Variants in FGGY observed in about 807,000 individuals in gnomAD.
FGGY encodes FGGY carbohydrate kinase domain containing.
A neutral mutation model predicts 71.3 loss-of-function variants in FGGY; 72 were observed. The ratio of observed to expected loss-of-function variants is 1.01; its 90% confidence interval spans 0.84 to 1.23. The LOEUF (loss-of-function observed/expected upper bound fraction) is 1.23. Ranked by LOEUF, FGGY falls within the 50% of genes most tolerant of loss-of-function variation. The pLI is 0.00. For synonymous variants in FGGY, 251 were observed against 250.3 expected, an observed-to-expected ratio of 1.00 and a Z score of -0.02; for missense variants, 668 against 682.3, an observed-to-expected ratio of 0.98 and a Z score of 0.23.
chr1:59,401,671 G>A (rs1207772480), intron 5 of FGGY, among the ~76,000 whole-genome samples: 1 of 152,196 alleles, frequency 6.6e-6, no homozygotes, highest in East Asian at 1.9e-4. Flanking sequence ...CAAAACTCAT[G>A]CTTTTAACTA....
intron 4 of FGGY, among the ~76,000 whole-genome samples, chr1:59,372,084 G>A (rs182977121): frequency 3.4e-4 from 52 of 152,200 alleles, no homozygotes; most frequent in Non-Finnish European, 6.8e-4. Context: ...GCGATAAATC[G>A]AGACACAAAA....
At chr1:59,515,796 G>GT (rs1234182442) in intron 7 of FGGY, among the ~76,000 whole-genome samples, 13 of 152,202 alleles carry the variant, frequency 8.5e-5, no homozygotes, top group African/African-American at 3.1e-4. Flanking sequence ...GTGTGGAACT[G>GT]TAAGTCAAAT....
chr1:59,512,216 G>A, intron 6 of FGGY, 95 bp from the exon 7 acceptor site: 2 of 1,322,944 alleles, frequency 1.5e-6, no homozygotes, highest in African/African-American at 3.0e-5. Context: ...GCAGAGGAGG[G>A]AGGAGAGAGC....
intron 1 of FGGY, among the ~76,000 whole-genome samples, chr1:59,312,759 C>G (rs1196155379): frequency 6.6e-6 from 1 of 152,152 alleles, no homozygotes; most frequent in Non-Finnish European, 1.5e-5. Flanking sequence ...TGGACATTAC[C>G]TGTGTGGCTC....
intron 11 of FGGY, among the ~76,000 whole-genome samples, chr1:59,658,504 C>G (rs1024706045): frequency 1.3e-5 from 2 of 152,140 alleles, no homozygotes; most frequent in African/African-American, 4.8e-5. Context: ...TAGGAATCCC[C>G]GCATCAACAG....
intron 7 of FGGY, among the ~76,000 whole-genome samples, chr1:59,543,984 G>A (rs993414761): frequency 7.9e-5 from 12 of 152,214 alleles, no homozygotes; most frequent in African/African-American, 2.9e-4. Context: ...TATATCCCAA[G>A]TACAAGGCTC....
At chr1:59,656,226 C>T (rs1572742058) in intron 11 of FGGY, among the ~76,000 whole-genome samples, 1 of 152,330 alleles carries the variant, frequency 6.6e-6, no homozygotes. Flanking sequence ...GGCACAGGCA[C>T]ATCAATAAAC....
At chr1:59,609,746 A>G (rs562533443) in intron 9 of FGGY, among the ~76,000 whole-genome samples, 3 of 152,340 alleles carry the variant, frequency 2.0e-5, no homozygotes, top group Admixed American at 2.0e-4. Context: ...GTATAATCCT[A>G]TTTTATACAT....
intron 14 of FGGY, among the ~76,000 whole-genome samples, chr1:59,749,904 G>C (rs999955290): frequency 6.6e-6 from 1 of 152,172 alleles, no homozygotes; most frequent in Non-Finnish European, 1.5e-5. Context: ...GTCTGTTATA[G>C]TCAGTCTGTA....
chr1:59,628,742 C>A, intron 10 of FGGY, among the ~76,000 whole-genome samples: 1 of 152,018 alleles, frequency 6.6e-6, no homozygotes, highest in Non-Finnish European at 1.5e-5. Context: ...ATCAGAGAAA[C>A]CCATGTAGCT....
At chr1:59,704,585 A>G (rs1398516344) in intron 14 of FGGY, among the ~76,000 whole-genome samples, 1 of 152,150 alleles carries the variant, frequency 6.6e-6, no homozygotes, top group African/African-American at 2.4e-5. Context: ...TATCTACAAG[A>G]TACTTTGGAA....
At position 59,659,964 on chromosome 1, in the gene FGGY, A is replaced by G. The variant is rs530686139; in HGVS notation, c.1222-255A>G. Among the ~76,000 whole-genome samples, 41 of 152,312 alleles carry G rather than the reference A, an allele frequency of 2.7e-4. 1 individual carries two copies. The highest frequency in any genetic ancestry group is 2.2e-3 in the Admixed American group (34 of 15,298). On this transcript the variant is annotated intron_variant, in intron 11 of 15. Coordinates refer to ENST00000303721, the MANE Select transcript of FGGY (RefSeq NM_018291.5). ...AATTATCGTCTAAGAAATATCAAAC[A>G]TAATCTTCCTGTGGTATTTGTTTTG...
Position 59,696,917 on chromosome 1 carries a change from A to G in FGGY, c.1512+22784A>G, listed in dbSNP as rs552582547. ...CCCAGAAACGGGAAGTGCTTTGTGC[A>G]TGGCCAGAGAGCTCGTTGCTGATCA... is the stretch of plus-strand genomic sequence containing the variant. On this transcript the variant is annotated intron_variant, in intron 14 of 15. Transcript: ENST00000303721. Among the ~76,000 whole-genome samples the G allele has an allele frequency of 5.3e-4, 81 of 152,292 alleles. 1 individual carries two copies. Among genetic ancestry groups the G allele is most frequent in the South Asian group, 1.9e-3 (9 of 4,828 alleles).
chr1:59,457,100 A>C, intron 6 of FGGY, 24 bp downstream of exon 6: 2 of 1,515,840 alleles, frequency 1.3e-6, no homozygotes, highest in Non-Finnish European at 1.8e-6. Context: ...ACATCTGTAG[A>C]GTGATTATGT....
chr1:59,300,256 T>C (rs1441839759), intron 1 of FGGY, among the ~76,000 whole-genome samples: 1 of 152,208 alleles, frequency 6.6e-6, no homozygotes, highest in Non-Finnish European at 1.5e-5. Flanking sequence ...CAAAGATTGC[T>C]TGTGCCCTTT....
In FGGY at chr1:59,762,487, T is replaced by G; in HGVS notation, c.1575-16T>G. The G allele has an allele frequency of 6.3e-7, 1 of 1,599,974 alleles. No homozygotes were observed. The highest frequency in any genetic ancestry group is 8.6e-7 in the Non-Finnish European group (1 of 1,168,422). ...TTGTCTTGAGATCATTCAACATATT[T>G]ATATTTCTCCCACAGATACTATGAT... On this transcript the variant is annotated splice_polypyrimidine_tract_variant and intron_variant, in intron 15 of 15. Coordinates refer to ENST00000303721, the MANE Select transcript of FGGY (RefSeq NM_018291.5).
chr1:59,394,595 T>C (rs962282806), intron 5 of FGGY, among the ~76,000 whole-genome samples: 2 of 152,212 alleles, frequency 1.3e-5, no homozygotes, highest in Non-Finnish European at 2.9e-5. Context: ...CTATTCCTGC[T>C]GCTGTTTTTA....
chr1:59,645,179 G>A (rs532001993), intron 11 of FGGY, among the ~76,000 whole-genome samples: 154 of 152,284 alleles, frequency 1.0e-3, no homozygotes, highest in African/African-American at 3.6e-3. Flanking sequence ...GACCTTTGGC[G>A]GGTTAACTCT....
At chr1:59,346,692 A>G (rs2052001235) in intron 4 of FGGY, among the ~76,000 whole-genome samples, 1 of 152,194 alleles carries the variant, frequency 6.6e-6, no homozygotes, top group South Asian at 2.1e-4. Flanking sequence ...TGTTTTGTAG[A>G]CAAGAAAACG....
Sources: allele counts gnomAD v4.1 joint callset (sites outside exome capture counted in the v4.1 genomes callset), GRCh38; gene constraint gnomAD v4.1.1; transcripts MANE v1.5; gene names NCBI Gene and HGNC (gene_info 2026-07-23, HGNC 2026-07-21).